DAXX: variants seen among roughly 807,000 people sequenced by gnomAD.
DAXX encodes the protein death domain-associated protein 6.
A neutral mutation model predicts 61.9 loss-of-function variants in DAXX; 24 were observed. The observed-to-expected ratio is 0.39, with a 90% confidence interval of 0.28 to 0.55. The LOEUF (loss-of-function observed/expected upper bound fraction) is 0.55, where lower values mean the gene tolerates loss of function less well. Among genes scored for constraint, DAXX ranks in the 20% least tolerant of loss-of-function variants. The pLI, the probability that DAXX is intolerant of heterozygous loss-of-function variation, is 0.69. For missense variants in DAXX, 819 were observed against 935.3 expected, an observed-to-expected ratio of 0.88 and a Z score of 1.62; for synonymous variants, 357 against 369.5, an observed-to-expected ratio of 0.97 and a Z score of 0.39.
rs765273333 is a variant in DAXX, at chr6:33,321,008, C to T, written c.767G>A (p.Arg256His). 8 of 1,613,786 alleles carry T rather than the reference C, an allele frequency of 5.0e-6. No individual in the cohort carries two copies. Among genetic ancestry groups the T allele is most frequent in the Admixed American group, 1.7e-5 (1 of 60,018 alleles). The change falls in exon 3 of 8, where the codon CGC becomes CAC. Residue 256 changes from arginine to histidine, a missense_variant. Arg to His is a conservative substitution (Grantham distance 29). Coordinates refer to ENST00000374542, the MANE Select transcript of DAXX (RefSeq NM_001141969.2). The surrounding 1 kb of genome is among the most constrained non-coding windows in gnomAD (Gnocchi z 7.2). ...GTAGCGGGTGCCACGGTAGGGGATG[C>T]GCTGCTCTATGACACGGCCGGTCAG... ...SSLTGRVIEQRIPYRGTRYPE... is the reference protein window; with the variant it reads ...SSLTGRVIEQHIPYRGTRYPE...
At chr6:33,322,671 T>G in intron 1 of DAXX, 191 bp downstream of exon 1, 1 of 366,154 alleles carries the variant, frequency 2.7e-6, no homozygotes. Context: ...CAACCGTGGG[T>G]CCGGCCGGTC....
Position 33,322,926 on chromosome 6 carries a change from C to G in DAXX, c.-117G>C, listed in dbSNP as rs780622867. 2.5e-5 allele frequency: 36 copies of G among 1,425,082 alleles called. No homozygotes were observed. Among genetic ancestry groups the G allele is most frequent in the Non-Finnish European group, 3.4e-5 (36 of 1,050,572 alleles). The allele number at this position is 1,425,082 out of a possible 1,614,324, so 88.3% of individuals were successfully genotyped here. A position where few individuals can be genotyped will look rare whatever the true frequency, so the allele number is the denominator to read the frequency against. On this transcript the variant is annotated 5_prime_UTR_variant, in exon 1 of 8. Transcript: ENST00000374542. ...TCAGAACCTCGCATGGTTCCCTCCGCCTTCCTTCCCACTCCCACCGCAGGC... is the reference window on the plus strand; with the variant it reads ...TCAGAACCTCGCATGGTTCCCTCCGGCTTCCTTCCCACTCCCACCGCAGGC...
In DAXX at chr6:33,322,887, C is replaced by A. The variant is rs1478173005; in HGVS notation, c.-78G>T. 6.9e-7 allele frequency: 1 copy of A among 1,442,862 alleles called. No individual in the cohort carries two copies. Among genetic ancestry groups the A allele is most frequent in the Non-Finnish European group, 9.4e-7 (1 of 1,066,730 alleles). 89.4% of individuals were successfully genotyped at this position (1,442,862 alleles called of 1,614,324 possible). A position where few individuals can be genotyped will look rare whatever the true frequency, so the allele number is the denominator to read the frequency against. On this transcript the variant is annotated 5_prime_UTR_variant, in exon 1 of 8. Transcript: ENST00000374542. ...CTCAGAAACCGTCTCTCGAGGCGAC[C>A]CTCGCCGCAATTCTCAGAACCTCGC...
rs370297398 is a variant in DAXX, at chr6:33,321,150, C to T, written c.625G>A (p.Glu209Lys). 1 of 1,613,638 alleles carries T rather than the reference C, an allele frequency of 6.2e-7. No homozygotes were observed. Among genetic ancestry groups the T allele is most frequent in the African/African-American group, 1.3e-5 (1 of 74,924 alleles). ...TCATCCAATTCTGAGAGATCCAACT[C>T]CTTTTCCTGCAGCCGCCGGATCTCT... ...VAEIRRLQEK[E>K]LDLSELDDPD... The change falls in exon 3 of 8, where the codon GAG (glutamate) becomes AAG (lysine). Residue 209 changes from glutamate to lysine, a missense_variant. By Grantham distance (56) the Glu-to-Lys change is moderately conservative (BLOSUM62 1). Transcript: ENST00000374542. The surrounding 1 kb of genome is among the most constrained non-coding windows in gnomAD (Gnocchi z 7.2).
intron 7 of DAXX, 95 bp downstream of exon 7, chr6:33,318,902 A>T: frequency 1.5e-6 from 2 of 1,304,706 alleles, no homozygotes; most frequent in Non-Finnish European, 2.2e-6. Flanking sequence ...AAAGGAAGAG[A>T]CAGGATGTGG....
At position 33,320,844 on chromosome 6, in the gene DAXX, G is replaced by C. The variant is rs1340766542; in HGVS notation, c.931C>G (p.Leu311Val). The C allele has an allele frequency of 6.2e-7, 1 of 1,614,108 alleles. No homozygotes were observed. The highest frequency in any genetic ancestry group is 8.5e-7 in the Non-Finnish European group (1 of 1,180,046). ...TCTCGGAAGGCATCCTGAGCCATGAGCTGGAGCTGCTGTCGGGGGAGGCCA... is the reference window on the plus strand; with the variant it reads ...TCTCGGAAGGCATCCTGAGCCATGACCTGGAGCTGCTGTCGGGGGAGGCCA... ...SLGLPRQQLQ[L>V]MAQDAFRDVG... Residue 311 changes from leucine (L) to valine (V), a missense_variant, in exon 3 of 8, where the codon CTC (leucine) becomes GTC (valine). By Grantham distance (32) the Leu-to-Val change is conservative (BLOSUM62 1). Coordinates refer to ENST00000374542, the MANE Select transcript of DAXX (RefSeq NM_001141969.2). The surrounding 1 kb of genome is among the most constrained non-coding windows in gnomAD (Gnocchi z 7.1).
At position 33,319,070 on chromosome 6, in the gene DAXX, G is replaced by A. The variant is rs1303730866; in HGVS notation, c.2090C>T (p.Ser697Phe). ...DSPSHGLVTSSLCIPSPARLS... is the reference protein window; with the variant it reads ...DSPSHGLVTSFLCIPSPARLS... Reference sequence around the variant, plus strand: ...CCGGGCTGGAGAAGGGATGCAGAGGGAGCTGGTCACCAGGCCATGGCTGGG... The same window carrying A: ...CCGGGCTGGAGAAGGGATGCAGAGGAAGCTGGTCACCAGGCCATGGCTGGG... Residue 697 changes from serine to phenylalanine, a missense_variant, in exon 7 of 8, where the codon TCC (serine) becomes TTC (phenylalanine). Physicochemically the swap from Ser to Phe is radical, Grantham distance 155 (BLOSUM62 -2). Coordinates refer to ENST00000374542, the MANE Select transcript of DAXX (RefSeq NM_001141969.2). 1.2e-6 allele frequency: 2 copies of A among 1,614,006 alleles called. No homozygotes were observed. Among genetic ancestry groups the A allele is most frequent in the African/African-American group, 1.3e-5 (1 of 74,960 alleles).
rs2151003130 is a variant in DAXX at position 33,322,958 on chromosome 6, A to C, written c.-149T>G. ...TCCCACTCCCACCGCAGGCCCCACT[A>C]CGGACCGGAAGTCACAGAGTTTCCG... On this transcript the variant is annotated 5_prime_UTR_variant, in exon 1 of 8. Transcript: ENST00000374542. The C allele has an allele frequency of 8.9e-7, 1 of 1,128,372 alleles. No homozygotes were observed. Among genetic ancestry groups the C allele is most frequent in the Non-Finnish European group, 1.3e-6 (1 of 779,806 alleles). 69.9% of individuals were successfully genotyped at this position (1,128,372 alleles called of 1,614,324 possible). A position where few individuals can be genotyped will look rare whatever the true frequency, so the allele number is the denominator to read the frequency against.
At position 33,319,436 on chromosome 6, in the gene DAXX, G is replaced by C; in HGVS notation, c.1884C>G (p.Pro628=). Residue 628 remains proline, a synonymous_variant, in exon 6 of 8, where the codon CCC becomes CCG. Transcript: ENST00000374542. Reference sequence around the variant, plus strand: ...TCTTCTCCTTCCGAGATTTTTTGCAGGGGGGACCAGAATCTCCCCAGTTGT... The same window carrying C: ...TCTTCTCCTTCCGAGATTTTTTGCACGGGGGACCAGAATCTCCCCAGTTGT... ...SPHNWGDSGP[P]CKKSRKEKKQ... The C allele has an allele frequency of 6.2e-7, 1 of 1,613,218 alleles. No homozygotes were observed. Among genetic ancestry groups the C allele is most frequent in the South Asian group, 1.1e-5 (1 of 91,028 alleles).
intron 6 of DAXX, 79 bp from the exon 7 acceptor site, chr6:33,319,298 G>T: frequency 6.4e-7 from 1 of 1,561,856 alleles, no homozygotes; most frequent in Non-Finnish European, 8.7e-7. Context: ...TCTCCCAGCA[G>T]ACTCAGTTCC....
At chr6:33,322,674 G>T (rs992329275) in intron 1 of DAXX, 188 bp downstream of exon 1, 5 of 365,622 alleles carry the variant, frequency 1.4e-5, no homozygotes, top group South Asian at 2.2e-5. Context: ...CCGTGGGTCC[G>T]GCCGGTCCGC....
rs960795168 is a variant in DAXX, at chr6:33,319,888, A to G, written c.1466-34T>C. ...GAAGAAAAGGGGAGAGGGTAGCCTG[A>G]GAATGAGGGGGAAAAAATACTGCTG... On this transcript the variant is annotated intron_variant, in intron 5 of 7. Transcript: ENST00000374542. The G allele has an allele frequency of 6.3e-6, 10 of 1,596,256 alleles. No homozygotes were observed. The African/African-American group carries it at 1.1e-4, about 17-fold the overall frequency.
chr6:33,318,956 G>C (rs1770165069), intron 7 of DAXX, 41 bp downstream of exon 7: 1 of 1,553,998 alleles, frequency 6.4e-7, no homozygotes, highest in East Asian at 2.3e-5. Flanking sequence ...GCCAATGAAA[G>C]AGAACAAATT....
rs1562725429 is a variant in DAXX, at chr6:33,320,619, A to G, written c.1040-28T>C. The G allele has an allele frequency of 2.5e-6, 4 of 1,610,364 alleles. No individual in the cohort carries two copies. The highest frequency in any genetic ancestry group is 3.4e-6 in the Non-Finnish European group (4 of 1,178,112). The stretch of plus-strand genomic sequence containing the variant: ...ACGTGGGAAGACATAAAGTCAGAGC[A>G]CTCAGCCCTTGAAGGGACTAGAAGA... On this transcript the variant is annotated intron_variant, in intron 3 of 7. Coordinates refer to ENST00000374542, the MANE Select transcript of DAXX (RefSeq NM_001141969.2). This position sits in a 1 kb window ranked among gnomAD's most constrained non-coding sequence, Gnocchi z 7.1.
chr6:33,321,396 T>G lies in DAXX; in HGVS notation c.379A>C (p.Ile127Leu), dbSNP rs979045308. 6.2e-7 allele frequency: 1 copy of G among 1,613,664 alleles called. No individual in the cohort carries two copies. Residue 127 changes from isoleucine (I) to leucine (L), a missense_variant, in exon 3 of 8, where the codon ATC (isoleucine) becomes CTC (leucine). Transcript: ENST00000374542. The surrounding 1 kb of genome is among the most constrained non-coding windows in gnomAD (Gnocchi z 7.2). ...RSRPAKLYVY[I>L]NELCTVLKAH... ...TTGAGAACAGTGCAGAGCTCATTGATGTAGACATAGAGCTTGGCTGGCCGG... is the reference window on the plus strand; with the variant it reads ...TTGAGAACAGTGCAGAGCTCATTGAGGTAGACATAGAGCTTGGCTGGCCGG...
At position 33,320,062 on chromosome 6, in the gene DAXX, C is replaced by G; in HGVS notation, c.1414G>C (p.Glu472Gln). ...TCCTCTTCATCATCCTCCTGACCCT[C>G]CTGCATCTGTTCCAGATCCTCCTCC... ...EEEEDLEQMQ[E>Q]GQEDDEEEDE... The change falls in exon 5 of 8, where the codon GAG becomes CAG. Residue 472 changes from glutamate (E) to glutamine (Q), a missense_variant. Transcript: ENST00000374542. This position sits in a 1 kb window ranked among gnomAD's most constrained non-coding sequence, Gnocchi z 7.1. 6.2e-7 allele frequency: 1 copy of G among 1,613,512 alleles called. No individual in the cohort carries two copies. Among genetic ancestry groups the G allele is most frequent in the South Asian group, 1.1e-5 (1 of 91,034 alleles).
chr6:33,321,622 A>G lies in DAXX; in HGVS notation c.208-55T>C. 1 of 1,598,954 alleles carries G rather than the reference A, an allele frequency of 6.3e-7. No individual in the cohort carries two copies. Among genetic ancestry groups the G allele is most frequent in the African/African-American group, 1.3e-5 (1 of 74,566 alleles). ...AAGAGAGACAAGGGAGGGGGTTGAG[A>G]GAAAGGGGAGGTGGGGTTAGTGGGA... On this transcript the variant is annotated intron_variant, in intron 2 of 7. Coordinates refer to ENST00000374542, the MANE Select transcript of DAXX (RefSeq NM_001141969.2). This position sits in a 1 kb window ranked among gnomAD's most constrained non-coding sequence, Gnocchi z 7.2.
Position 33,321,955 on chromosome 6 carries a change from T to C in DAXX, c.-30A>G. The C allele has an allele frequency of 1.3e-6, 2 of 1,589,390 alleles. No homozygotes were observed. The highest frequency in any genetic ancestry group is 1.7e-6 in the Non-Finnish European group (2 of 1,166,472). Reference sequence around the variant, plus strand: ...GATCAAATCCCCCGGAGGGAGGAAGTGGTGGGGATTTCAGAATTCCTGCTG... The same window carrying C: ...GATCAAATCCCCCGGAGGGAGGAAGCGGTGGGGATTTCAGAATTCCTGCTG... On this transcript the variant is annotated 5_prime_UTR_variant, in exon 2 of 8. Transcript: ENST00000374542. The surrounding 1 kb of genome is among the most constrained non-coding windows in gnomAD (Gnocchi z 7.2).
At position 33,319,777 on chromosome 6, in the gene DAXX, T is replaced by A; in HGVS notation, c.1543A>T (p.Ser515Cys). Residue 515 changes from serine (S) to cysteine (C), a missense_variant, in exon 6 of 8, where the codon AGC becomes TGC. Ser to Cys is a moderately radical substitution (Grantham distance 112). Coordinates refer to ENST00000374542, the MANE Select transcript of DAXX (RefSeq NM_001141969.2). ...EKNLEPGKQI[S>C]RSSGEQQNKG... is the part of the protein sequence containing the mutation. ...TTTTGCTGCTCCCCTGAAGATCTGCTGATCTGTTTGCCAGGTTCCAGGTTC... is the reference window on the plus strand; with the variant it reads ...TTTTGCTGCTCCCCTGAAGATCTGCAGATCTGTTTGCCAGGTTCCAGGTTC... 1 of 1,614,228 alleles carries A rather than the reference T, an allele frequency of 6.2e-7. No individual in the cohort carries two copies. Among genetic ancestry groups the A allele is most frequent in the Non-Finnish European group, 8.5e-7 (1 of 1,180,040 alleles).
Sources: allele counts gnomAD v4.1 joint callset, GRCh38; gene constraint gnomAD v4.1.1; non-coding constraint Gnocchi (gnomAD v3.1); transcripts MANE v1.5; gene names NCBI Gene and HGNC (gene_info 2026-07-23, HGNC 2026-07-21).